LYN: variants seen among roughly 807,000 people sequenced by gnomAD.
LYN encodes tyrosine-protein kinase Lyn.
In LYN, 12 loss-of-function variants were observed where a neutral mutation model predicts 65.0. The observed-to-expected ratio is 0.18, with a 90% CI of 0.12 to 0.30. LYN has a LOEUF of 0.30. Among genes scored for constraint, LYN ranks in the 10% least tolerant of loss-of-function variants. LYN has a pLI of 1.00. For synonymous variants in LYN, 222 were observed against 221.2 expected (o/e 1.00, Z -0.03); for missense variants, 380 against 623.2 (o/e 0.61, Z 4.16).
Position 55,941,026 on chromosome 8 carries a change from A to G in LYN, c.-5-829A>G, listed in dbSNP as rs190651608. Among the ~76,000 whole-genome samples the G allele has an allele frequency of 7.9e-5, 12 of 152,254 alleles. No homozygotes were observed. In the East Asian group the frequency reaches 2.3e-3, roughly 29 times the overall value. ...TGATCATCTGAATGTTTTCATAAGT[A>G]TCTTCTCTCCCATAAGTGTGTTTCC... On this transcript the variant is annotated intron_variant, in intron 1 of 12. Coordinates refer to ENST00000519728, the MANE Select transcript of LYN (RefSeq NM_002350.4).
chr8:55,963,269 C>G (rs1356004552), intron 8 of LYN, among the ~76,000 whole-genome samples: 1 of 152,162 alleles, frequency 6.6e-6, no homozygotes, highest in Non-Finnish European at 1.5e-5. Flanking sequence ...GAATCTTCAG[C>G]TCTTCTAAGT....
intron 1 of LYN, among the ~76,000 whole-genome samples, chr8:55,889,330 G>C (rs936688735): frequency 5.9e-5 from 9 of 152,196 alleles, no homozygotes; most frequent in African/African-American, 1.9e-4. Context: ...TCCCACTTCA[G>C]CCTCCAAGTA....
intron 1 of LYN, among the ~76,000 whole-genome samples, chr8:55,900,322 T>G (rs1340135465): frequency 6.6e-6 from 1 of 152,188 alleles, no homozygotes; most frequent in Non-Finnish European, 1.5e-5. Context: ...TCAGTTTATA[T>G]CTATTATAAA....
chr8:55,949,608 G>T (rs770590931), intron 4 of LYN, among the ~76,000 whole-genome samples: 1 of 152,196 alleles, frequency 6.6e-6, no homozygotes, highest in African/African-American at 2.4e-5. Flanking sequence ...GATACAGAGC[G>T]ATATTTTGAT....
At chr8:55,908,758 CAA>C (rs1409283584) in intron 1 of LYN, among the ~76,000 whole-genome samples, 1 of 151,686 alleles carries the variant, frequency 6.6e-6, no homozygotes, top group African/African-American at 2.4e-5. Context: ...TCTTACCCTC[CAA>C]AGTCTCCATT....
intron 1 of LYN, among the ~76,000 whole-genome samples, chr8:55,910,853 G>A (rs1459568498): frequency 6.8e-6 from 1 of 147,602 alleles, no homozygotes; most frequent in Non-Finnish European, 1.5e-5. Context: ...TCTGCTTTTT[G>A]TAGTTTTCGT....
intron 1 of LYN, among the ~76,000 whole-genome samples, chr8:55,904,249 A>G (rs1805358200): frequency 6.6e-6 from 1 of 152,216 alleles, no homozygotes; most frequent in Admixed American, 6.5e-5. Context: ...CATTTTCTTT[A>G]TGGCTATAGT....
rs183936519 is a variant in LYN at position 55,917,284 on chromosome 8, C to G, written c.-5-24571C>G. 3.2e-4 allele frequency among the ~76,000 whole-genome samples: 49 copies of G among 152,216 alleles called. No homozygotes were observed. In the East Asian group the frequency reaches 8.7e-3, roughly 27 times the overall value. On this transcript the variant is annotated intron_variant, in intron 1 of 12. Transcript: ENST00000519728. ...CACTGCAGCCTTGAACTCCTAGGCT[C>G]ATGTGATCGTCCCGCCTCAGCCTCC...
chr8:55,903,618 A>AT (rs1229536098), intron 1 of LYN, among the ~76,000 whole-genome samples: 1 of 152,198 alleles, frequency 6.6e-6, no homozygotes, highest in Non-Finnish European at 1.5e-5. Context: ...TTCTGTTTCT[A>AT]TGTTGATAAT....
intron 1 of LYN, among the ~76,000 whole-genome samples, chr8:55,925,624 T>A (rs1451472626): frequency 6.6e-6 from 1 of 152,018 alleles, no homozygotes; most frequent in Non-Finnish European, 1.5e-5. Flanking sequence ...GGGATGGGCG[T>A]TATTATTACC....
intron 12 of LYN, among the ~76,000 whole-genome samples, chr8:56,001,168 C>G (rs1004806147): frequency 5.3e-5 from 8 of 152,044 alleles, no homozygotes; most frequent in African/African-American, 1.9e-4. Context: ...GGAGAGCAGC[C>G]AGAGCATGGG....
intron 2 of LYN, among the ~76,000 whole-genome samples, chr8:55,943,002 C>G (rs1386997990): frequency 6.6e-6 from 1 of 152,060 alleles, no homozygotes; most frequent in African/African-American, 2.4e-5. Flanking sequence ...AGGAAAAACA[C>G]CTCTAATTCT....
At chr8:55,954,855 T>C (rs1807060682) in intron 8 of LYN, among the ~76,000 whole-genome samples, 1 of 151,546 alleles carries the variant, frequency 6.6e-6, no homozygotes, top group Non-Finnish European at 1.5e-5. Flanking sequence ...AATAAATAAA[T>C]AAATAAATAA....
intron 8 of LYN, among the ~76,000 whole-genome samples, chr8:55,960,211 A>G (rs1317382371): frequency 6.6e-6 from 1 of 152,248 alleles, no homozygotes; most frequent in Non-Finnish European, 1.5e-5. Context: ...AAAAGAAATG[A>G]TACAGAGAGA....
intron 1 of LYN, among the ~76,000 whole-genome samples, chr8:55,915,995 A>AAAAT (rs1805772292): frequency 6.6e-6 from 1 of 152,246 alleles, no homozygotes; most frequent in Non-Finnish European, 1.5e-5. Context: ...ATGGCATCTT[A>AAAAT]ATATTTTAAA....
At chr8:55,970,017 A>G (rs1807568466) in intron 10 of LYN, among the ~76,000 whole-genome samples, 2 of 152,276 alleles carry the variant, frequency 1.3e-5, no homozygotes, top group Admixed American at 6.5e-5. Context: ...ATCATCTTCT[A>G]TAAACCAAGT....
At chr8:55,999,926 G>A (rs1395165854) in intron 12 of LYN, among the ~76,000 whole-genome samples, 3 of 151,718 alleles carry the variant, frequency 2.0e-5, no homozygotes, top group Middle Eastern at 3.4e-3. Flanking sequence ...AGCTGAGATC[G>A]CGCCATTCCA....
Position 56,009,930 on chromosome 8 carries a change from G to T in LYN, c.1359G>T (p.Met453Ile). 3 of 1,613,852 alleles carry T rather than the reference G, an allele frequency of 1.9e-6. No individual in the cohort carries two copies. The South Asian group carries it at 3.3e-5, about 18-fold the overall frequency. ...TAGGGAGAACTAATGCCGACGTGAT[G>T]ACCGCCCTGTCCCAGGGCTACAGGA... Reference protein sequence around the residue: ...PYPGRTNADVMTALSQGYRMP... With the variant: ...PYPGRTNADVITALSQGYRMP... The change falls in exon 13 of 13, where the codon ATG becomes ATT. Residue 453 changes from methionine to isoleucine, a missense_variant. By Grantham distance (10) the Met-to-Ile change is conservative. Around this residue, in one of 2 missense-constraint regions of LYN, gnomAD observed 223 missense variants for 430.0 expected, o/e 0.52. Transcript: ENST00000519728.
chr8:55,974,140 C>T (rs972742576), intron 10 of LYN, among the ~76,000 whole-genome samples: 5 of 152,116 alleles, frequency 3.3e-5, no homozygotes, highest in Non-Finnish European at 7.4e-5. Flanking sequence ...AGCTAGTATG[C>T]GGAATTGCTG....
Sources: allele counts gnomAD v4.1 joint callset (sites outside exome capture counted in the v4.1 genomes callset), GRCh38; gene constraint gnomAD v4.1.1; regional missense constraint gnomAD v4.1.1; transcripts MANE v1.5; gene names NCBI Gene and HGNC (gene_info 2026-07-23, HGNC 2026-07-21).